The following RTN4IP1 variants were observed in gnomAD, a reference collection of about 807,000 sequenced individuals.
The protein encoded by RTN4IP1 is NAD(P)H oxidoreductase RTN4IP1, mitochondrial.
In RTN4IP1, 32 loss-of-function variants were observed where a neutral mutation model predicts 46.6. The ratio of observed to expected loss-of-function variants is 0.69; its 90% CI spans 0.52 to 0.92. RTN4IP1 has a LOEUF of 0.92. Ranked by LOEUF, RTN4IP1 falls within the 40% of genes least tolerant of loss-of-function variation. RTN4IP1 has a pLI of 0.00. For missense variants in RTN4IP1, 424 were observed against 485.8 expected (o/e 0.87, Z 1.20); for synonymous variants, 167 against 161.8 (o/e 1.03, Z -0.24).
At chr6:106,581,858 TAGC>T (rs1171131398) in intron 8 of RTN4IP1, among the ~76,000 whole-genome samples, 1 of 152,212 alleles carries the variant, frequency 6.6e-6, no homozygotes, top group Non-Finnish European at 1.5e-5. Flanking sequence ...CTGGAGCAGA[TAGC>T]AGGACAAGCA....
At position 106,587,817 on chromosome 6, in the gene RTN4IP1, C is replaced by G; in HGVS notation, c.852G>C (p.Trp284Cys). The change falls in exon 7 of 9, where the codon TGG (tryptophan) becomes TGC (cysteine). Residue 284 changes from tryptophan (W) to cysteine (C), a missense_variant. Physicochemically the swap from Trp to Cys is radical, Grantham distance 215. Coordinates refer to ENST00000369063, the MANE Select transcript of RTN4IP1 (RefSeq NM_032730.5). ...LDNVGGSTET[W>C]APDFLKKWSG... ...ACCATTTCTTGAGAAAATCTGGAGC[C>G]CATGTTTCAGTGGATCCGCCAACAT... 1.2e-6 allele frequency: 2 copies of G among 1,613,586 alleles called. No homozygotes were observed. The highest frequency in any genetic ancestry group is 1.1e-5 in the South Asian group (1 of 91,042).
At chr6:106,629,780 G>C, upstream of RTN4IP1, 1 of 1,545,260 alleles carries the variant, frequency 6.5e-7, no homozygotes, top group South Asian at 1.2e-5. Flanking sequence ...AGAGTCCCTG[G>C]GCCTTACCAC....
At chr6:106,610,956 T>C (rs1252556876) in intron 4 of RTN4IP1, among the ~76,000 whole-genome samples, 1 of 152,108 alleles carries the variant, frequency 6.6e-6, no homozygotes, top group Non-Finnish European at 1.5e-5. Context: ...AGTCACTTTT[T>C]ATTTGGCATT....
rs745696702 is a variant in RTN4IP1, at chr6:106,628,939, G to A, written c.83C>T (p.Pro28Leu). 6.2e-7 allele frequency: 1 copy of A among 1,614,076 alleles called. No homozygotes were observed. The change falls in exon 1 of 9, where the codon CCT (proline) becomes CTT (leucine). Residue 28 changes from proline (P) to leucine (L), a missense_variant. Pro to Leu is a moderately conservative substitution (Grantham distance 98). Coordinates refer to ENST00000369063, the MANE Select transcript of RTN4IP1 (RefSeq NM_032730.5). ...CFWRSKVVQK[P>L]SVRRISTTSP... ...GGTAGTACTAATCCTTCTAACTGAA[G>A]GCTTTTGGACAACTTTGCTTCTCCA...
At chr6:106,623,811 C>T (rs1232515700) in intron 1 of RTN4IP1, among the ~76,000 whole-genome samples, 1 of 152,140 alleles carries the variant, frequency 6.6e-6, no homozygotes, top group Non-Finnish European at 1.5e-5. Flanking sequence ...ACTTTTTAAA[C>T]AACAGAATAT....
chr6:106,610,901 A>G (rs1776206079), intron 4 of RTN4IP1, among the ~76,000 whole-genome samples: 1 of 152,162 alleles, frequency 6.6e-6, no homozygotes, highest in South Asian at 2.1e-4. Flanking sequence ...CTCCCTAAAC[A>G]TACATTAAGG....
intron 1 of RTN4IP1, 73 bp downstream of exon 1, chr6:106,628,675 C>A: frequency 7.4e-7 from 1 of 1,352,756 alleles, no homozygotes. Flanking sequence ...GAAGCGTAGT[C>A]AATTTTTTAA....
intron 8 of RTN4IP1, among the ~76,000 whole-genome samples, chr6:106,576,104 A>G (rs1775220225): frequency 2.6e-5 from 4 of 152,202 alleles, no homozygotes. Flanking sequence ...GGGTTGGGGT[A>G]AAGGGGAAGA....
chr6:106,594,516 C>CA (rs1434704514), intron 5 of RTN4IP1, among the ~76,000 whole-genome samples: 7 of 150,590 alleles, frequency 4.6e-5, no homozygotes, highest in Non-Finnish European at 1.5e-5. Context: ...TCTCAAAAAA[C>CA]AAAAAACAAA....
At chr6:106,581,334 T>C (rs1395729480) in intron 8 of RTN4IP1, among the ~76,000 whole-genome samples, 1 of 152,242 alleles carries the variant, frequency 6.6e-6, no homozygotes, top group African/African-American at 2.4e-5. Context: ...ATGAGAATCA[T>C]GAAGCGCTCA....
chr6:106,586,661 C>A (rs2114632737), intron 7 of RTN4IP1, among the ~76,000 whole-genome samples: 1 of 152,314 alleles, frequency 6.6e-6, no homozygotes, highest in East Asian at 1.9e-4. Flanking sequence ...GCATAAGACA[C>A]CGTGCCCAGC....
At chr6:106,610,206 C>T (rs75325989) in intron 4 of RTN4IP1, among the ~76,000 whole-genome samples, 5 of 152,020 alleles carry the variant, frequency 3.3e-5, no homozygotes, top group East Asian at 3.9e-4. Context: ...GGACTACAGG[C>T]GCCCACCACC....
intron 1 of RTN4IP1, 96 bp downstream of exon 1, chr6:106,628,652 T>A: frequency 8.5e-7 from 1 of 1,173,814 alleles, no homozygotes; most frequent in South Asian, 1.6e-5. Flanking sequence ...ATGATTCATT[T>A]ATGTAAACCA....
chr6:106,577,366 T>G (rs1317601485), intron 8 of RTN4IP1, among the ~76,000 whole-genome samples: 2 of 136,336 alleles, frequency 1.5e-5, no homozygotes, highest in East Asian at 4.6e-4. Context: ...GAGGATCACT[T>G]CAGCCCAGGA....
intron 6 of RTN4IP1, among the ~76,000 whole-genome samples, chr6:106,589,714 T>TA (rs752504219): frequency 1.3e-5 from 2 of 152,180 alleles, no homozygotes; most frequent in African/African-American, 2.4e-5. Flanking sequence ...TTCAAATACC[T>TA]AAAAAGCTGC....
chr6:106,622,570 G>T (rs1368452987), intron 2 of RTN4IP1, among the ~76,000 whole-genome samples: 1 of 152,202 alleles, frequency 6.6e-6, no homozygotes, highest in Non-Finnish European at 1.5e-5. Flanking sequence ...CTGCTGCAGA[G>T]GCAGGGCACG....
chr6:106,580,527 C>T (rs1775340773), intron 8 of RTN4IP1, among the ~76,000 whole-genome samples: 1 of 151,860 alleles, frequency 6.6e-6, no homozygotes, highest in South Asian at 2.1e-4. Flanking sequence ...AAGACCAGTA[C>T]AGCCAACAGG....
chr6:106,577,195 G>A (rs1775249837), intron 8 of RTN4IP1, among the ~76,000 whole-genome samples: 1 of 152,022 alleles, frequency 6.6e-6, no homozygotes, highest in Non-Finnish European at 1.5e-5. Context: ...AGCACTTTGG[G>A]AAGCCCAGGC....
intron 8 of RTN4IP1, among the ~76,000 whole-genome samples, chr6:106,576,688 T>C (rs1775236235): frequency 6.6e-6 from 1 of 152,246 alleles, no homozygotes; most frequent in South Asian, 2.1e-4. Context: ...TGGTAGCCTC[T>C]AGACACGTGA....
Sources: allele counts gnomAD v4.1 joint callset (sites outside exome capture counted in the v4.1 genomes callset), GRCh38; gene constraint gnomAD v4.1.1; transcripts MANE v1.5; gene names NCBI Gene and HGNC (gene_info 2026-07-23, HGNC 2026-07-21).